Variants in TOX3 observed in about 807,000 individuals in gnomAD.
TOX3 encodes the protein CAG trinucleotide repeat-containing gene F9 protein.
TOX3 carries 22 observed loss-of-function variants against 64.3 expected under a neutral mutation model. The ratio of observed to expected loss-of-function variants is 0.34; its 90% CI spans 0.24 to 0.49. The LOEUF is 0.49. Among genes scored for constraint, TOX3 ranks in the 20% least tolerant of loss-of-function variants. TOX3 has a pLI of 0.99. For missense variants in TOX3, 661 were observed against 714.4 expected (o/e 0.93, Z 0.85); for synonymous variants, 291 against 273.6 (o/e 1.06, Z -0.63).
chr16:52,528,531 A>T (rs1962776260), intron 1 of TOX3, among the ~76,000 whole-genome samples: 1 of 152,042 alleles, frequency 6.6e-6, no homozygotes, highest in Admixed American at 6.6e-5. Context: ...GTGGAACCCC[A>T]GTTCAAACCG....
At chr16:52,497,674 G>T (rs182123572) in intron 1 of TOX3, among the ~76,000 whole-genome samples, 151 of 152,228 alleles carry the variant, frequency 9.9e-4, no homozygotes, top group African/African-American at 3.6e-3. Flanking sequence ...CTCACAAAGA[G>T]CTAGGTTTAT....
intron 1 of TOX3, among the ~76,000 whole-genome samples, chr16:52,519,024 A>C (rs1475740199): frequency 1.8e-4 from 27 of 152,230 alleles, no homozygotes; most frequent in Admixed American, 1.7e-3. Context: ...GCAAAATGTC[A>C]GGTATCAGGA....
At chr16:52,479,484 C>T (rs1961309453) in intron 1 of TOX3, among the ~76,000 whole-genome samples, 1 of 152,130 alleles carries the variant, frequency 6.6e-6, no homozygotes. Flanking sequence ...AAATTTGAGG[C>T]ATAATTTTCA....
At chr16:52,458,362 G>A (rs1960585502) in intron 3 of TOX3, among the ~76,000 whole-genome samples, 1 of 152,090 alleles carries the variant, frequency 6.6e-6, no homozygotes, top group South Asian at 2.1e-4. Flanking sequence ...AGGACGACAA[G>A]GGCTGTGAAT....
At chr16:52,524,271 T>A (rs2151480506) in intron 1 of TOX3, among the ~76,000 whole-genome samples, 1 of 152,308 alleles carries the variant, frequency 6.6e-6, no homozygotes, top group Middle Eastern at 3.4e-3. Context: ...AATAACTCAC[T>A]GAATCCAATA....
In TOX3 at chr16:52,439,194, G is replaced by C; in HGVS notation, c.*31C>G. ...TTTCCCTCCTATGCCACTCTCCTTG[G>C]TATACGCAAATCCGTCTGCCATATG... On this transcript the variant is annotated 3_prime_UTR_variant, in exon 7 of 7. Coordinates refer to ENST00000219746, the MANE Select transcript of TOX3 (RefSeq NM_001080430.4). The C allele has an allele frequency of 6.2e-7, 1 of 1,613,398 alleles. No individual in the cohort carries two copies. Among genetic ancestry groups the C allele is most frequent in the Non-Finnish European group, 8.5e-7 (1 of 1,179,666 alleles).
chr16:52,501,677 C>CAA (rs1262600811), intron 1 of TOX3, among the ~76,000 whole-genome samples: 1,457 of 135,186 alleles, frequency 0.011, 24 homozygotes, highest in African/African-American at 0.046. Flanking sequence ...AACAAACAAA[C>CAA]AAACAAAAAA....
At chr16:52,476,923 G>A (rs1961224363) in intron 1 of TOX3, among the ~76,000 whole-genome samples, 1 of 152,106 alleles carries the variant, frequency 6.6e-6, no homozygotes, top group African/African-American at 2.4e-5. Context: ...TCTAGGAGGA[G>A]GAGTCAAAAA....
At chr16:52,529,614 C>T (rs1962806324) in intron 1 of TOX3, among the ~76,000 whole-genome samples, 1 of 152,196 alleles carries the variant, frequency 6.6e-6, no homozygotes, top group South Asian at 2.1e-4. Flanking sequence ...GAATGCATAT[C>T]CTACTGCCCT....
chr16:52,490,647 T>TTTTTTTTA (rs1555484775), intron 1 of TOX3, among the ~76,000 whole-genome samples: 2 of 146,630 alleles, frequency 1.4e-5, no homozygotes, highest in African/African-American at 5.1e-5. Context: ...TTTTTTTTTT[T>TTTTTTTTA]AATACAGGGT....
In TOX3 at chr16:52,541,540, C is replaced by T. The variant is rs117006834; in HGVS notation, c.87+5097G>A. Among the ~76,000 whole-genome samples the T allele has an allele frequency of 1.2e-3, 180 of 152,218 alleles. 6 individuals carry two copies. The East Asian group carries it at 0.032, about 27-fold the overall frequency. Reference sequence around the variant, plus strand: ...AGATGTCTAAAGAAAAGCTGGAATCCAGATTTATATGCAAAGTTTTTTAGA... The same window carrying T: ...AGATGTCTAAAGAAAAGCTGGAATCTAGATTTATATGCAAAGTTTTTTAGA... On this transcript the variant is annotated intron_variant, in intron 1 of 6. Transcript: ENST00000219746.
chr16:52,495,517 C>T (rs1478359405), intron 1 of TOX3, among the ~76,000 whole-genome samples: 1 of 152,158 alleles, frequency 6.6e-6, no homozygotes. Context: ...GATCATAACC[C>T]TATTGGGGGA....
At chr16:52,512,791 G>A (rs559375319) in intron 1 of TOX3, among the ~76,000 whole-genome samples, 12 of 152,164 alleles carry the variant, frequency 7.9e-5, no homozygotes, top group African/African-American at 2.9e-4. Context: ...GAAAAGCTCT[G>A]AGTTAGGAAT....
chr16:52,489,317 T>C (rs1961612277), intron 1 of TOX3, among the ~76,000 whole-genome samples: 1 of 152,202 alleles, frequency 6.6e-6, no homozygotes, highest in Admixed American at 6.5e-5. Flanking sequence ...ACTAACTATG[T>C]GTCCATCTCC....
At chr16:52,465,463 C>CT (rs1960834911) in intron 2 of TOX3, among the ~76,000 whole-genome samples, 1 of 109,044 alleles carries the variant, frequency 9.2e-6, no homozygotes, top group African/African-American at 3.4e-5. Flanking sequence ...TTTTTTGTTT[C>CT]TTTTTGGTTT....
intron 1 of TOX3, among the ~76,000 whole-genome samples, chr16:52,516,712 A>C (rs1472056657): frequency 1.3e-5 from 2 of 152,222 alleles, no homozygotes; most frequent in African/African-American, 4.8e-5. Context: ...GAATATGCAT[A>C]TCATACACAT....
At chr16:52,498,369 T>G (rs543231241) in intron 1 of TOX3, among the ~76,000 whole-genome samples, 1 of 152,326 alleles carries the variant, frequency 6.6e-6, no homozygotes, top group African/African-American at 2.4e-5. Flanking sequence ...AATATTAAAG[T>G]TGACCTATCC....
At chr16:52,487,803 G>C (rs1369108244) in intron 1 of TOX3, among the ~76,000 whole-genome samples, 1 of 152,162 alleles carries the variant, frequency 6.6e-6, no homozygotes, top group African/African-American at 2.4e-5. Flanking sequence ...AACATAATTT[G>C]GTTTTGATAA....
At chr16:52,543,728 C>A (rs1359633333) in intron 1 of TOX3, among the ~76,000 whole-genome samples, 1 of 152,138 alleles carries the variant, frequency 6.6e-6, no homozygotes, top group Non-Finnish European at 1.5e-5. Flanking sequence ...ATGATCCTGG[C>A]TATATTTTAT....
Sources: gnomAD v4.1 joint callset for allele counts (sites outside exome capture counted in the v4.1 genomes callset) on GRCh38, gnomAD v4.1.1 for gene constraint, MANE v1.5 for transcripts, NCBI Gene and HGNC (gene_info 2026-07-23, HGNC 2026-07-21) for gene names.